CDH13: variants seen among roughly 807,000 people sequenced by gnomAD.
CDH13 encodes cadherin 13.
In CDH13, 24 loss-of-function variants were observed where a neutral mutation model predicts 63.8. The observed-to-expected ratio is 0.38, with a 90% CI of 0.27 to 0.53. CDH13 has a LOEUF of 0.53. CDH13 is among the 20% of genes least tolerant of loss of function. CDH13 has a pLI of 0.85. For missense variants in CDH13, 1,049 were observed against 903.1 expected (o/e 1.16, Z -2.07); for synonymous variants, 503 against 355.3 (o/e 1.42, Z -4.67).
intron 1 of CDH13, among the ~76,000 whole-genome samples, chr16:82,735,296 T>G (rs1288669098): frequency 1.3e-5 from 2 of 152,144 alleles, no homozygotes; most frequent in Non-Finnish European, 2.9e-5. Flanking sequence ...TCACAAACGT[T>G]CCAATCACAA....
chr16:83,599,711 G>A (rs1442087497), intron 7 of CDH13, among the ~76,000 whole-genome samples: 1 of 152,066 alleles, frequency 6.6e-6, no homozygotes, highest in Non-Finnish European at 1.5e-5. Flanking sequence ...AATTATATTG[G>A]TAAATATTAT....
intron 5 of CDH13, among the ~76,000 whole-genome samples, chr16:83,269,924 A>C (rs1168886959): frequency 1.3e-5 from 2 of 152,192 alleles, no homozygotes; most frequent in Non-Finnish European, 2.9e-5. Flanking sequence ...GTTAAACAGA[A>C]TTGATTGCGG....
chr16:83,703,656 G>A (rs567849057), intron 10 of CDH13, among the ~76,000 whole-genome samples: 8 of 152,240 alleles, frequency 5.3e-5, no homozygotes, highest in African/African-American at 1.9e-4. Context: ...ACACTGTCTT[G>A]TATTATCAAG....
intron 2 of CDH13, among the ~76,000 whole-genome samples, chr16:82,871,429 G>T (rs569310119): frequency 6.6e-6 from 1 of 152,208 alleles, no homozygotes; most frequent in African/African-American, 2.4e-5. Flanking sequence ...TGTTATTGGG[G>T]AGCACTTGAA....
intron 2 of CDH13, among the ~76,000 whole-genome samples, chr16:82,934,227 C>G (rs2042593689): frequency 6.6e-6 from 1 of 152,228 alleles, no homozygotes; most frequent in Non-Finnish European, 1.5e-5. Context: ...TTCCCAAACT[C>G]CAATTCTTGA....
chr16:83,621,103 T>C (rs1377439921), intron 8 of CDH13, among the ~76,000 whole-genome samples: 1 of 152,132 alleles, frequency 6.6e-6, no homozygotes, highest in African/African-American at 2.4e-5. Context: ...GGTATGGAGA[T>C]GAAGGCTCCG....
At position 83,633,426 on chromosome 16, in the gene CDH13, T is replaced by C. The variant is rs185838533; in HGVS notation, c.1101+30832T>C. ...ACATCTGAAGTTAGTTTTGAACATATTGACATCAGTGTTTTGAAACTCCTC... is the reference window on the plus strand; with the variant it reads ...ACATCTGAAGTTAGTTTTGAACATACTGACATCAGTGTTTTGAAACTCCTC... On this transcript the variant is annotated intron_variant, in intron 8 of 13. Transcript: ENST00000567109. 1.4e-3 allele frequency among the ~76,000 whole-genome samples: 220 copies of C among 152,340 alleles called. 5 individuals are homozygous for C. Among genetic ancestry groups the C allele is most frequent in the East Asian group, 2.5e-3 (13 of 5,186 alleles).
intron 10 of CDH13, among the ~76,000 whole-genome samples, chr16:83,745,723 C>T (rs529468956): frequency 6.6e-6 from 1 of 152,328 alleles, no homozygotes; most frequent in African/African-American, 2.4e-5. Flanking sequence ...CCAAGATGAC[C>T]TTTAAGTCAT....
rs1387456579 is a variant in CDH13, at chr16:83,226,986, TG to T, written c.636+9491del. Among the ~76,000 whole-genome samples the T allele has an allele frequency of 2.6e-5, 4 of 152,190 alleles. No homozygotes were observed. In the East Asian group the frequency reaches 7.7e-4, roughly 29 times the overall value. ...GAAGAAGTGCATTAGTGGTGTGGACTGGAAGACAGAGGAGCGAAAGAGGGGA... is the reference window on the plus strand; with the variant it reads ...GAAGAAGTGCATTAGTGGTGTGGACTGAAGACAGAGGAGCGAAAGAGGGGA... On this transcript the variant is annotated intron_variant, in intron 5 of 13. Coordinates refer to ENST00000567109, the MANE Select transcript of CDH13 (RefSeq NM_001257.5).
chr16:82,700,093 C>G (rs2150989164), intron 1 of CDH13, among the ~76,000 whole-genome samples: 1 of 152,252 alleles, frequency 6.6e-6, no homozygotes, highest in African/African-American at 2.4e-5. Flanking sequence ...ATTAGTTCAT[C>G]AGGATGCTGA....
intron 2 of CDH13, among the ~76,000 whole-genome samples, chr16:82,978,254 C>G (rs1303819591): frequency 6.6e-6 from 1 of 152,142 alleles, no homozygotes; most frequent in Admixed American, 6.5e-5. Context: ...CATAAAAGTT[C>G]AGAAAATTTG....
At chr16:82,678,865 A>C (rs1215089244) in intron 1 of CDH13, among the ~76,000 whole-genome samples, 2 of 152,190 alleles carry the variant, frequency 1.3e-5, no homozygotes, top group Non-Finnish European at 2.9e-5. Flanking sequence ...CTCTTTCATC[A>C]TCCCTGACAT....
At chr16:83,228,705 C>G (rs1045137402) in intron 5 of CDH13, among the ~76,000 whole-genome samples, 1 of 152,046 alleles carries the variant, frequency 6.6e-6, no homozygotes, top group African/African-American at 2.4e-5. Context: ...TTAGAGCAGA[C>G]GAGGGTGGGG....
chr16:83,133,948 C>A (rs1011526434), intron 4 of CDH13, among the ~76,000 whole-genome samples: 1 of 152,180 alleles, frequency 6.6e-6, no homozygotes, highest in Non-Finnish European at 1.5e-5. Flanking sequence ...CACAGAGTAG[C>A]GACTCAAATA....
At chr16:83,645,127 C>G (rs1911669688) in intron 8 of CDH13, among the ~76,000 whole-genome samples, 2 of 152,176 alleles carry the variant, frequency 1.3e-5, no homozygotes, top group Non-Finnish European at 2.9e-5. Context: ...TTCACAATAG[C>G]AAGGTCATGG....
intron 10 of CDH13, among the ~76,000 whole-genome samples, chr16:83,687,419 C>G (rs761527463): frequency 8.5e-5 from 13 of 152,190 alleles, no homozygotes; most frequent in Non-Finnish European, 1.5e-4. Flanking sequence ...GGAGCCAGCA[C>G]TTCACATGTC....
At chr16:83,111,541 C>T (rs2151621961) in intron 3 of CDH13, among the ~76,000 whole-genome samples, 1 of 152,312 alleles carries the variant, frequency 6.6e-6, no homozygotes, top group East Asian at 1.9e-4. Flanking sequence ...GAGTTGCTGA[C>T]TCTTCAGGAG....
intron 10 of CDH13, among the ~76,000 whole-genome samples, chr16:83,742,771 T>A (rs1320215463): frequency 6.6e-6 from 1 of 152,200 alleles, no homozygotes; most frequent in African/African-American, 2.4e-5. Flanking sequence ...TCATGTTACA[T>A]GGGTGCTCAG....
chr16:83,218,640 G>T (rs2039609072), intron 5 of CDH13, among the ~76,000 whole-genome samples: 1 of 152,082 alleles, frequency 6.6e-6, no homozygotes, highest in African/African-American at 2.4e-5. Flanking sequence ...GCCCATCATG[G>T]GAGTCTCCAA....
Sources: allele counts gnomAD v4.1 joint callset (sites outside exome capture counted in the v4.1 genomes callset), GRCh38; gene constraint gnomAD v4.1.1; transcripts MANE v1.5; gene names NCBI Gene and HGNC (gene_info 2026-07-23, HGNC 2026-07-21).